BMI1: variants seen among roughly 807,000 people sequenced by gnomAD.
BMI1 encodes BMI1 proto-oncogene, polycomb ring finger.
BMI1 carries 9 observed loss-of-function variants against 39.1 expected under a neutral mutation model. The observed-to-expected ratio is 0.23, with a 90% CI of 0.14 to 0.40. The LOEUF (loss-of-function observed/expected upper bound fraction) is 0.40, where lower values mean the gene tolerates loss of function less well. Ranked by LOEUF, BMI1 falls within the 10% of genes least tolerant of loss-of-function variation. BMI1 has a pLI of 1.00. For missense variants in BMI1, 252 were observed against 390.8 expected, an observed-to-expected ratio of 0.64 and a Z score of 2.99; for synonymous variants, 131 against 127.9, an observed-to-expected ratio of 1.02 and a Z score of -0.16.
rs755465324 is a variant in BMI1 at position 22,327,798 on chromosome 10, C to A, written c.316+6C>A. On this transcript the variant is annotated splice_donor_region_variant and intron_variant, in intron 5 of 9. Transcript: ENST00000376663. ...AGCTCATCCTTCTGCTGATGGTAAA[C>A]CTTTTAGGGGAGGGAAGACATTTTA... is the stretch of plus-strand genomic sequence containing the variant. 6.2e-7 allele frequency: 1 copy of A among 1,613,118 alleles called. No homozygotes were observed. The highest frequency in any genetic ancestry group is 1.1e-5 in the South Asian group (1 of 91,024).
At position 22,327,056 on chromosome 10, in the gene BMI1, CTTT is replaced by C. The variant is rs1164914803; in HGVS notation, c.209+71_209+73del. ...TGTATAATTTACTGAAGGCAACCCT[CTTT>C]ATTTCTTCACAGAAAATTTACTCTT... On this transcript the variant is annotated intron_variant, in intron 3 of 9. Transcript: ENST00000376663. The C allele has an allele frequency of 1.5e-5, 23 of 1,525,098 alleles. No homozygotes were observed. The Admixed American group carries it at 3.4e-4, about 23-fold the overall frequency. 94.5% of individuals were successfully genotyped at this position (1,525,098 alleles called of 1,614,324 possible).
chr10:22,324,859 G>A (rs1158642916), intron 1 of BMI1, among the ~76,000 whole-genome samples: 1 of 152,308 alleles, frequency 6.6e-6, no homozygotes, highest in East Asian at 1.9e-4. Flanking sequence ...CTGACTGTCG[G>A]CTGGTGTATT....
chr10:22,324,562 A>G (rs1298310406), intron 1 of BMI1, among the ~76,000 whole-genome samples: 4 of 152,104 alleles, frequency 2.6e-5, no homozygotes, highest in African/African-American at 9.7e-5. Flanking sequence ...TTCATAAGAG[A>G]GGCTTTGTTT....
intron 3 of BMI1, 57 bp from the exon 4 acceptor site, chr10:22,327,538 A>G: frequency 6.7e-7 from 1 of 1,493,804 alleles, no homozygotes; most frequent in Non-Finnish European, 9.1e-7. Flanking sequence ...GAAACTTATG[A>G]ACATTTTTAG....
intron 1 of BMI1, among the ~76,000 whole-genome samples, chr10:22,322,395 T>G (rs1836028882): frequency 6.6e-6 from 1 of 152,158 alleles, no homozygotes; most frequent in Non-Finnish European, 1.5e-5. Context: ...GGGGGGACAC[T>G]TGTCTGAGAT....
Position 22,329,397 on chromosome 10 carries a change from T to C in BMI1, c.836T>C (p.Val279Ala). Reference sequence around the variant, plus strand: ...TGTTTGCCTAGCCCCAGTACTCCAGTGCAGTCTCCTCATCCACAGTTTCCT... The same window carrying C: ...TGTTTGCCTAGCCCCAGTACTCCAGCGCAGTCTCCTCATCCACAGTTTCCT... ...SSCLPSPSTPVQSPHPQFPHI... is the reference protein window; with the variant it reads ...SSCLPSPSTPAQSPHPQFPHI... Residue 279 changes from valine to alanine, a missense_variant, in exon 10 of 10, where the codon GTG (valine) becomes GCG (alanine). Coordinates refer to ENST00000376663, the MANE Select transcript of BMI1 (RefSeq NM_005180.9). The C allele has an allele frequency of 3.1e-6, 5 of 1,614,200 alleles. No individual in the cohort carries two copies. Among genetic ancestry groups the C allele is most frequent in the Non-Finnish European group, 4.2e-6 (5 of 1,180,026 alleles).
Position 22,328,142 on chromosome 10 carries a change from G to A in BMI1, c.434G>A (p.Arg145Gln), listed in dbSNP as rs182575015. 32 of 1,600,478 alleles carry A rather than the reference G, an allele frequency of 2.0e-5. No homozygotes were observed. The Admixed American group carries it at 4.6e-4, about 23-fold the overall frequency. The change falls in exon 7 of 10, where the codon CGG becomes CAG. Residue 145 changes from arginine to glutamine, a missense_variant. Arg to Gln is a conservative substitution (Grantham distance 43). This residue lies in a region of BMI1 where 67 missense variants were observed against 69.9 expected (regional missense o/e 0.96). Transcript: ENST00000376663. ...AATTTTCTCTTTATTAGATTGGATC[G>A]GAAAGTAAACAAAGACAAAGAGAAA... is the stretch of plus-strand genomic sequence containing the variant. Reference protein sequence around the residue: ...IEFFDQNRLDRKVNKDKEKSK... With the variant: ...IEFFDQNRLDQKVNKDKEKSK...
At chr10:22,327,525 A>G (rs984954299) in intron 3 of BMI1, 70 bp from the exon 4 acceptor site, 2 of 1,426,096 alleles carry the variant, frequency 1.4e-6, no homozygotes, top group South Asian at 1.3e-5. Flanking sequence ...AAAGAAGACT[A>G]TAGAAACTTA....
chr10:22,329,575 C>T lies in BMI1; in HGVS notation c.*33C>T. On this transcript the variant is annotated 3_prime_UTR_variant, in exon 10 of 10. Transcript: ENST00000376663. Reference sequence around the variant, plus strand: ...GACTGTTAAGGAAAAAAATTTTAAACCCCTGATTTATATAGATATCTTCAT... The same window carrying T: ...GACTGTTAAGGAAAAAAATTTTAAATCCCTGATTTATATAGATATCTTCAT... 2 of 1,598,386 alleles carry T rather than the reference C, an allele frequency of 1.3e-6. No homozygotes were observed. The highest frequency in any genetic ancestry group is 1.7e-6 in the Non-Finnish European group (2 of 1,171,588).
At chr10:22,324,532 C>T (rs1190575574) in intron 1 of BMI1, among the ~76,000 whole-genome samples, 1 of 152,198 alleles carries the variant, frequency 6.6e-6, no homozygotes, top group African/African-American at 2.4e-5. Flanking sequence ...TAGAGGTCGC[C>T]AGTTGCCACT....
rs1836227303 is a variant in BMI1 at position 22,329,029 on chromosome 10, T to C, written c.571-19T>C. The C allele has an allele frequency of 6.3e-7, 1 of 1,576,900 alleles. No individual in the cohort carries two copies. The highest frequency in any genetic ancestry group is 1.4e-5 in the African/African-American group (1 of 73,278). On this transcript the variant is annotated intron_variant, in intron 8 of 9. Coordinates refer to ENST00000376663, the MANE Select transcript of BMI1 (RefSeq NM_005180.9). Reference sequence around the variant, plus strand: ...TTACCTTTGTTCTTTTATTACTTAATAAAAATATTTTTCACTAGATTGATG... The same window carrying C: ...TTACCTTTGTTCTTTTATTACTTAACAAAAATATTTTTCACTAGATTGATG...
chr10:22,329,759 G>A lies in BMI1; in HGVS notation c.*217G>A, dbSNP rs1836243780. 3.4e-6 allele frequency: 2 copies of A among 581,174 alleles called. No individual in the cohort carries two copies. Among genetic ancestry groups the A allele is most frequent in the Non-Finnish European group, 5.7e-6 (2 of 348,586 alleles). 36.0% of individuals were successfully genotyped at this position (581,174 alleles called of 1,614,324 possible). Reference sequence around the variant, plus strand: ...TGTTGTTATAAAGAATTGGTTTCTTGGAAAGCAGGCAAGACTTTTTCTCTG... The same window carrying A: ...TGTTGTTATAAAGAATTGGTTTCTTAGAAAGCAGGCAAGACTTTTTCTCTG... On this transcript the variant is annotated 3_prime_UTR_variant, in exon 10 of 10. Transcript: ENST00000376663.
chr10:22,327,125 C>G (rs1197563279), intron 3 of BMI1, 139 bp downstream of exon 3: 2 of 961,294 alleles, frequency 2.1e-6, no homozygotes, highest in Non-Finnish European at 3.0e-6. Context: ...GGAGGGTAGC[C>G]GTTTAATTTC....
At chr10:22,325,449 T>C (rs887205734) in intron 1 of BMI1, among the ~76,000 whole-genome samples, 13 of 152,154 alleles carry the variant, frequency 8.5e-5, no homozygotes, top group African/African-American at 2.9e-4. Flanking sequence ...CATTTTCCTT[T>C]CGCGGGCGCT....
In BMI1 at chr10:22,329,510, G is replaced by A. The variant is rs763640328; in HGVS notation, c.949G>A (p.Val317Ile). The change falls in exon 10 of 10, where the codon GTA (valine) becomes ATA (isoleucine). Residue 317 changes from valine (V) to isoleucine (I), a missense_variant. Val to Ile is a conservative substitution (Grantham distance 29). This residue lies in a region of BMI1 where 96 missense variants were observed against 120.2 expected (regional missense o/e 0.80). Transcript: ENST00000376663. ...SFANRPRKSS[V>I]NGSSATSSG The stretch of plus-strand genomic sequence containing the variant: ...TGCCAATAGACCTCGAAAATCATCA[G>A]TAAATGGGTCATCAGCAACTTCTTC... 1 of 1,614,058 alleles carries A rather than the reference G, an allele frequency of 6.2e-7. No individual in the cohort carries two copies. The highest frequency in any genetic ancestry group is 8.5e-7 in the Non-Finnish European group (1 of 1,179,940).
intron 3 of BMI1, 88 bp downstream of exon 3, chr10:22,327,074 A>T: frequency 6.9e-7 from 1 of 1,458,482 alleles, no homozygotes; most frequent in Non-Finnish European, 9.5e-7. Flanking sequence ...CTTCACAGAA[A>T]ATTTACTCTT....
At chr10:22,327,080 C>T (rs922061193) in intron 3 of BMI1, 94 bp downstream of exon 3, 18 of 1,378,740 alleles carry the variant, frequency 1.3e-5, no homozygotes, top group Non-Finnish European at 1.8e-5. Context: ...AGAAAATTTA[C>T]TCTTGAATAC....
chr10:22,328,952 T>A (rs1257502370), intron 8 of BMI1, 96 bp from the exon 9 acceptor site: 21 of 1,278,990 alleles, frequency 1.6e-5, no homozygotes, highest in Non-Finnish European at 2.3e-5. Context: ...GTTTGGAGAA[T>A]ATGTTTCTTA....
In BMI1 at chr10:22,324,678, A is replaced by AG. The variant is rs758308997; in HGVS notation, c.-19-1751dup. ...AATACACCTTAGGAATTAAAACCGC[A>AG]GGTATATCTTACTGCAAGTTTCAAA... is the stretch of plus-strand genomic sequence containing the variant. On this transcript the variant is annotated intron_variant, in intron 1 of 9. Transcript: ENST00000376663. 1.2e-4 allele frequency among the ~76,000 whole-genome samples: 19 copies of AG among 152,228 alleles called. 1 individual carries two copies. The highest frequency in any genetic ancestry group is 3.9e-4 in the Admixed American group (6 of 15,292).
Sources: gnomAD v4.1 joint callset for allele counts (sites outside exome capture counted in the v4.1 genomes callset) on GRCh38, gnomAD v4.1.1 for gene constraint, gnomAD v4.1.1 regional missense constraint, MANE v1.5 for transcripts, NCBI Gene and HGNC (gene_info 2026-07-23, HGNC 2026-07-21) for gene names.